The following VPS33B variants were observed in gnomAD, a reference collection of about 807,000 sequenced individuals.
The protein encoded by VPS33B is VPS33B late endosome and lysosome associated.
A neutral mutation model predicts 95.3 loss-of-function variants in VPS33B; 80 were observed. The observed-to-expected ratio is 0.84, with a 90% CI of 0.70 to 1.01. VPS33B has a LOEUF of 1.01. Among genes scored for constraint, VPS33B ranks in the 50% least tolerant of loss-of-function variants. The pLI, the probability that VPS33B is intolerant of heterozygous loss-of-function variation, is 0.00. For synonymous variants in VPS33B, 280 were observed against 280.4 expected, an observed-to-expected ratio of 1.00 and a Z score of 0.01; for missense variants, 715 against 773.4, an observed-to-expected ratio of 0.92 and a Z score of 0.90.
chr15:91,018,194 C>A lies in VPS33B; in HGVS notation c.97-309G>T, dbSNP rs984301311. ...GTCTGCACCTCACTCCCCTTCTCTGCTGCCTCCTCCACTCTGGCTCCTAAC... is the reference window on the plus strand; with the variant it reads ...GTCTGCACCTCACTCCCCTTCTCTGATGCCTCCTCCACTCTGGCTCCTAAC... On this transcript the variant is annotated intron_variant, in intron 1 of 22. Transcript: ENST00000333371. The surrounding 1 kb of genome is among the most constrained non-coding windows in gnomAD (Gnocchi z 4.7). Among the ~76,000 whole-genome samples, 1 of 152,188 alleles carries A rather than the reference C, an allele frequency of 6.6e-6. No individual in the cohort carries two copies. Among genetic ancestry groups the A allele is most frequent in the African/African-American group, 2.4e-5 (1 of 41,442 alleles).
Position 91,018,420 on chromosome 15 carries a change from C to G in VPS33B, c.97-535G>C, listed in dbSNP as rs1274409115. Among the ~76,000 whole-genome samples the G allele has an allele frequency of 6.6e-6, 1 of 152,184 alleles. No individual in the cohort carries two copies. Among genetic ancestry groups the G allele is most frequent in the Non-Finnish European group, 1.5e-5 (1 of 68,030 alleles). On this transcript the variant is annotated intron_variant, in intron 1 of 22. Coordinates refer to ENST00000333371, the MANE Select transcript of VPS33B (RefSeq NM_018668.5). This position sits in a 1 kb window ranked among gnomAD's most constrained non-coding sequence, Gnocchi z 4.7. ...CTGCACCACCACTCCTGACACCGAT[C>G]TCAATGTCTGTTCAGAGGAAGGAGA...
Position 91,018,036 on chromosome 15 carries a change from C to T in VPS33B, c.97-151G>A. ...CCGTCACCTTATTTATTATCTGTAT[C>T]CACAGTTGACACTTCTCTGTATATT... On this transcript the variant is annotated intron_variant, in intron 1 of 22. Coordinates refer to ENST00000333371, the MANE Select transcript of VPS33B (RefSeq NM_018668.5). This position sits in a 1 kb window ranked among gnomAD's most constrained non-coding sequence, Gnocchi z 4.7. The T allele has an allele frequency of 1.4e-6, 1 of 722,242 alleles. No homozygotes were observed. Among genetic ancestry groups the T allele is most frequent in the South Asian group, 1.5e-5 (1 of 67,262 alleles). The allele number at this position is 722,242 out of a possible 1,614,324, so 44.7% of individuals were successfully genotyped here. A position where few individuals can be genotyped will look rare whatever the true frequency, so the allele number is the denominator to read the frequency against.
Position 91,006,182 on chromosome 15 carries a change from C to T in VPS33B, c.853-123G>A. 1 of 1,350,634 alleles carries T rather than the reference C, an allele frequency of 7.4e-7. No individual in the cohort carries two copies. Among genetic ancestry groups the T allele is most frequent in the Non-Finnish European group, 1.0e-6 (1 of 954,790 alleles). 83.7% of individuals were successfully genotyped at this position (1,350,634 alleles called of 1,614,324 possible). On this transcript the variant is annotated intron_variant, in intron 11 of 22. Transcript: ENST00000333371. This position sits in a 1 kb window ranked among gnomAD's most constrained non-coding sequence, Gnocchi z 5.4. ...AATACAAAGAAAGCTGAGCTGGGAT[C>T]TGTAAGTCCATATCAAATGCCTACA...
At position 91,009,716 on chromosome 15, in the gene VPS33B, GT is replaced by G; in HGVS notation, c.403+84del. ...GGAAAAGAAGGAGCTGGTGGTGGGG[GT>G]GGGGTGGGGGGGTTGGAGAACAACA... On this transcript the variant is annotated intron_variant, in intron 6 of 22. Coordinates refer to ENST00000333371, the MANE Select transcript of VPS33B (RefSeq NM_018668.5). This position sits in a 1 kb window ranked among gnomAD's most constrained non-coding sequence, Gnocchi z 4.1. 1 of 1,412,542 alleles carries G rather than the reference GT, an allele frequency of 7.1e-7. No individual in the cohort carries two copies. The highest frequency in any genetic ancestry group is 9.8e-7 in the Non-Finnish European group (1 of 1,021,454). 87.5% of individuals were successfully genotyped at this position (1,412,542 alleles called of 1,614,324 possible).
At position 91,000,444 on chromosome 15, in the gene VPS33B, C is replaced by T. The variant is rs1221244342; in HGVS notation, c.1581+46G>A. On this transcript the variant is annotated intron_variant, in intron 20 of 22. Transcript: ENST00000333371. This position sits in a 1 kb window ranked among gnomAD's most constrained non-coding sequence, Gnocchi z 4.9. ...AGACACGCCAGGGACCAAGAGAAAG[C>T]AGAGAGAATGAAATATGAATGGGAG... 6.5e-6 allele frequency: 10 copies of T among 1,546,736 alleles called. No individual in the cohort carries two copies. Among genetic ancestry groups the T allele is most frequent in the South Asian group, 2.2e-5 (2 of 88,960 alleles).
intron 3 of VPS33B, 57 bp downstream of exon 3, chr15:91,016,906 G>C: frequency 6.5e-7 from 1 of 1,543,578 alleles, no homozygotes; most frequent in Non-Finnish European, 9.0e-7. Context: ...AAAGGCAGAC[G>C]TGCCCCTAGG....
At position 91,000,525 on chromosome 15, in the gene VPS33B, C is replaced by T; in HGVS notation, c.1546G>A (p.Ala516Thr). The T allele has an allele frequency of 1.2e-6, 2 of 1,613,544 alleles. No individual in the cohort carries two copies. The highest frequency in any genetic ancestry group is 2.2e-5 in the East Asian group (1 of 44,844). ...PRDMAYVFGG[A>T]YVPLSCRIIE... ...ATTCGGCAGCTCAGGGGCACATAAG[C>T]ACCACCGAAGACGTAAGCCATGTCT... Residue 516 changes from alanine to threonine, a missense_variant, in exon 20 of 23, where the codon GCT (alanine) becomes ACT (threonine). Ala to Thr is a moderately conservative substitution (Grantham distance 58). Transcript: ENST00000333371. This position sits in a 1 kb window ranked among gnomAD's most constrained non-coding sequence, Gnocchi z 4.9.
chr15:91,012,357 T>C (rs1039977943), intron 5 of VPS33B, among the ~76,000 whole-genome samples: 1 of 152,218 alleles, frequency 6.6e-6, no homozygotes, highest in Non-Finnish European at 1.5e-5. Context: ...TCCCACTTGA[T>C]TTCTTATTTC....
intron 6 of VPS33B, 128 bp from the exon 7 acceptor site, chr15:91,008,092 AT>A: frequency 1.2e-6 from 1 of 822,804 alleles, no homozygotes; most frequent in South Asian, 1.4e-5. Context: ...CCAGTACTGC[AT>A]TAAGCAATGG....
intron 16 of VPS33B, 70 bp from the exon 17 acceptor site, chr15:91,003,201 C>A: frequency 6.8e-7 from 1 of 1,474,040 alleles, no homozygotes; most frequent in South Asian, 1.1e-5. Context: ...ATGTACAGAT[C>A]AACCAGCAAC....
In VPS33B at chr15:91,018,603, C is replaced by T. The variant is rs964245476; in HGVS notation, c.97-718G>A. 1.1e-4 allele frequency among the ~76,000 whole-genome samples: 16 copies of T among 152,114 alleles called. No individual in the cohort carries two copies. The highest frequency in any genetic ancestry group is 3.6e-4 in the African/African-American group (15 of 41,408). On this transcript the variant is annotated intron_variant, in intron 1 of 22. Transcript: ENST00000333371. This position sits in a 1 kb window ranked among gnomAD's most constrained non-coding sequence, Gnocchi z 4.7. ...TGTGTAGTAAGGGGACGATTTTGCC[C>T]TCCGAGGGACATTTGGCAATGTCCA...
chr15:91,005,555 C>G lies in VPS33B; in HGVS notation c.1031-101G>C, dbSNP rs1360894672. ...AACCTCCTAAGGCAAAATCCGAAAG[C>G]ACTTCTTCCCACTTTACACCAAGTA... is the stretch of plus-strand genomic sequence containing the variant. On this transcript the variant is annotated intron_variant, in intron 13 of 22. Coordinates refer to ENST00000333371, the MANE Select transcript of VPS33B (RefSeq NM_018668.5). The surrounding 1 kb of genome is among the most constrained non-coding windows in gnomAD (Gnocchi z 6.4). 1 of 1,582,852 alleles carries G rather than the reference C, an allele frequency of 6.3e-7. No homozygotes were observed. Among genetic ancestry groups the G allele is most frequent in the South Asian group, 1.1e-5 (1 of 90,416 alleles).
In VPS33B at chr15:91,022,267, C is replaced by T. The variant is rs201768387; in HGVS notation, c.-18G>A. ...AAAGCCATGGCAGCGGTCACCTGCGCCGCGGGGTGGAAGGACGCCCTTCGT... is the reference window on the plus strand; with the variant it reads ...AAAGCCATGGCAGCGGTCACCTGCGTCGCGGGGTGGAAGGACGCCCTTCGT... On this transcript the variant is annotated 5_prime_UTR_variant, in exon 1 of 23. Transcript: ENST00000333371. The T allele has an allele frequency of 9.1e-6, 14 of 1,541,444 alleles. No individual in the cohort carries two copies. In the South Asian group the frequency reaches 1.2e-4, roughly 13 times the overall value.
chr15:91,004,893 C>T lies in VPS33B; in HGVS notation c.1209G>A (p.Leu403=), dbSNP rs1487587835. ...TGGGCTCACCATTCTCAGTGATGGA[C>T]AAAAGGCACATGAGGCGCAGGCTTT... ...PIESLRLMCL[L]SITENGLIPK... is the part of the protein sequence containing the mutation. The change falls in exon 16 of 23, where the codon TTG becomes TTA. Residue 403 remains leucine (L), a synonymous_variant. Coordinates refer to ENST00000333371, the MANE Select transcript of VPS33B (RefSeq NM_018668.5). 1.9e-6 allele frequency: 3 copies of T among 1,614,076 alleles called. No homozygotes were observed. The highest frequency in any genetic ancestry group is 2.5e-6 in the Non-Finnish European group (3 of 1,180,044).
chr15:91,006,325 T>C lies in VPS33B; in HGVS notation c.852+47A>G, dbSNP rs762558753. 4.4e-6 allele frequency: 7 copies of C among 1,601,902 alleles called. No homozygotes were observed. Among genetic ancestry groups the C allele is most frequent in the Non-Finnish European group, 5.1e-6 (6 of 1,171,314 alleles). ...TAAGCAGGGGGCCCACAGCCTGGTA[T>C]AAGCAGTGGCCCTAGGTGGGCCCAT... is the stretch of plus-strand genomic sequence containing the variant. On this transcript the variant is annotated intron_variant, in intron 11 of 22. Coordinates refer to ENST00000333371, the MANE Select transcript of VPS33B (RefSeq NM_018668.5). This position sits in a 1 kb window ranked among gnomAD's most constrained non-coding sequence, Gnocchi z 5.4.
At chr15:91,014,543 C>T in intron 3 of VPS33B, 110 bp from the exon 4 acceptor site, 2 of 1,202,106 alleles carry the variant, frequency 1.7e-6, no homozygotes, top group African/African-American at 1.5e-5. Context: ...CTACAGGTCT[C>T]ATCCTAGCCA....
intron 16 of VPS33B, among the ~76,000 whole-genome samples, chr15:91,003,670 T>C (rs1215624620): frequency 2.0e-5 from 3 of 152,036 alleles, no homozygotes; most frequent in Non-Finnish European, 2.9e-5. Flanking sequence ...CAACTCCTGA[T>C]CTCAAGATCC....
chr15:91,022,072 C>T (rs2041118947), intron 1 of VPS33B, 82 bp downstream of exon 1: 1 of 1,486,034 alleles, frequency 6.7e-7, no homozygotes, highest in African/African-American at 1.4e-5. Context: ...AGAACAAGAT[C>T]AAAGGGGCAC....
chr15:91,003,207 G>A, intron 16 of VPS33B, 76 bp from the exon 17 acceptor site: 1 of 1,378,410 alleles, frequency 7.3e-7, no homozygotes, highest in Non-Finnish European at 1.0e-6. Flanking sequence ...AGATCAACCA[G>A]CAACGAACGC....
Sources: gnomAD v4.1 joint callset for allele counts (sites outside exome capture counted in the v4.1 genomes callset) on GRCh38, gnomAD v4.1.1 for gene constraint, Gnocchi (gnomAD v3.1) non-coding constraint, MANE v1.5 for transcripts, NCBI Gene and HGNC (gene_info 2026-07-23, HGNC 2026-07-21) for gene names.